NPLOC4: variants seen among roughly 807,000 people sequenced by gnomAD.
NPLOC4 encodes nuclear protein localization protein 4 homolog.
In NPLOC4, 18 loss-of-function variants were observed where a neutral mutation model predicts 80.6. The observed-to-expected ratio is 0.22, with a 90% CI of 0.15 to 0.33. The LOEUF (loss-of-function observed/expected upper bound fraction) is 0.33, where lower values mean the gene tolerates loss of function less well. NPLOC4 is among the 10% of genes least tolerant of loss of function. The pLI is 1.00. For missense variants in NPLOC4, 540 were observed against 786.1 expected (o/e 0.69, Z 3.74); for synonymous variants, 313 against 301.5 (o/e 1.04, Z -0.39).
In NPLOC4 at chr17:81,591,278, T is replaced by C. The variant is rs548855071; in HGVS notation, c.1121-2174A>G. On this transcript the variant is annotated intron_variant, in intron 11 of 16. Coordinates refer to ENST00000331134, the MANE Select transcript of NPLOC4 (RefSeq NM_017921.4). ...GGTGAAACCCTGTCTCTACTAAAAA[T>C]ATAAAAATTAACTGGGCATGGTGGC... is the stretch of plus-strand genomic sequence containing the variant. 8.6e-5 allele frequency among the ~76,000 whole-genome samples: 13 copies of C among 151,554 alleles called. No homozygotes were observed. In the East Asian group the frequency reaches 2.5e-3, roughly 29 times the overall value.
At chr17:81,632,394 C>A in intron 1 of NPLOC4, among the ~76,000 whole-genome samples, 1 of 151,400 alleles carries the variant, frequency 6.6e-6, no homozygotes, top group East Asian at 1.9e-4. Flanking sequence ...CTCACTGCAA[C>A]CTCTGCCTCC....
chr17:81,631,451 TTTTTTTTTTTTC>T (rs1279925066), intron 1 of NPLOC4, among the ~76,000 whole-genome samples: 2 of 114,430 alleles, frequency 1.7e-5, no homozygotes, highest in Non-Finnish European at 3.7e-5. Context: ...TTTTTTTTTT[TTTTTTTTTTTTC>T]CCCCACGGCA....
At chr17:81,585,162 T>G (rs2034540699) in intron 12 of NPLOC4, among the ~76,000 whole-genome samples, 1 of 94,448 alleles carries the variant, frequency 1.1e-5, no homozygotes, top group Non-Finnish European at 1.9e-5. Context: ...AGAACGAGAC[T>G]CTGTCGCCAA....
chr17:81,631,704 A>G (rs564625900), intron 1 of NPLOC4, among the ~76,000 whole-genome samples: 11 of 152,104 alleles, frequency 7.2e-5, no homozygotes, highest in South Asian at 4.1e-4. Context: ...GAACATGCGC[A>G]TAAGTGTCCT....
At chr17:81,599,662 T>C (rs2035013368) in intron 9 of NPLOC4, among the ~76,000 whole-genome samples, 1 of 152,208 alleles carries the variant, frequency 6.6e-6, no homozygotes, top group Non-Finnish European at 1.5e-5. Flanking sequence ...CTTATTAACA[T>C]TAAACTCGTA....
rs564963140 is a variant in NPLOC4, at chr17:81,564,038, G to A, written c.1669+1467C>T. ...AGAGTTTGCAGTGAGCTAAGATTGC[G>A]CCACTGCACTCCAGCCTGGGAGACA... On this transcript the variant is annotated intron_variant, in intron 16 of 16. Transcript: ENST00000331134. 2.7e-5 allele frequency: 11 copies of A among 406,884 alleles called. 1 individual carries two copies. Among genetic ancestry groups the A allele is most frequent in the Admixed American group, 8.0e-5 (3 of 37,296 alleles). 25.2% of individuals were successfully genotyped at this position (406,884 alleles called of 1,614,324 possible). A position where few individuals can be genotyped will look rare whatever the true frequency, so the allele number is the denominator to read the frequency against.
rs983023211 is a variant in NPLOC4 at position 81,565,460 on chromosome 17, C to T, written c.1669+45G>A. 18 of 1,474,248 alleles carry T rather than the reference C, an allele frequency of 1.2e-5. 1 individual carries two copies. The highest frequency in any genetic ancestry group is 7.3e-5 in the South Asian group (6 of 82,732). 91.3% of individuals were successfully genotyped at this position (1,474,248 alleles called of 1,614,324 possible). On this transcript the variant is annotated intron_variant, in intron 16 of 16. Coordinates refer to ENST00000331134, the MANE Select transcript of NPLOC4 (RefSeq NM_017921.4). ...GAGCTGTGCAGAGTGGGCTGCTCTC[C>T]GGCCCCAGCCACGGGGTGCCGGGGC...
rs2034161181 is a variant in NPLOC4, at chr17:81,571,558, G to A, written c.1353+459C>T. ...GGACGGAGTGACCCAGACACACTGT[G>A]GGCTGTGGCAGCTGTGCTGGGGCTA... On this transcript the variant is annotated intron_variant, in intron 13 of 16. Coordinates refer to ENST00000331134, the MANE Select transcript of NPLOC4 (RefSeq NM_017921.4). Among the ~76,000 whole-genome samples, 3 of 152,220 alleles carry A rather than the reference G, an allele frequency of 2.0e-5. No homozygotes were observed. In the South Asian group the frequency reaches 6.2e-4, roughly 32 times the overall value.
chr17:81,613,083 A>G (rs2035385676), intron 4 of NPLOC4: 1 of 416,656 alleles, frequency 2.4e-6, no homozygotes, highest in Non-Finnish European at 4.2e-6. Context: ...ATGCTTCAAA[A>G]TTTTTTATGG....
intron 11 of NPLOC4, among the ~76,000 whole-genome samples, chr17:81,595,567 C>T (rs1442215385): frequency 2.1e-5 from 3 of 140,918 alleles, no homozygotes; most frequent in African/African-American, 7.8e-5. Context: ...TTTTTTGAGA[C>T]AGAGGCTCAC....
Position 81,597,241 on chromosome 17 carries a change from T to A in NPLOC4, c.993+4A>T. ...CCACACGCACAGTCCTGTCTCCACC[T>A]CACCTTATTTCGACTGTAGCGGACG... On this transcript the variant is annotated splice_donor_region_variant and intron_variant, in intron 10 of 16. Coordinates refer to ENST00000331134, the MANE Select transcript of NPLOC4 (RefSeq NM_017921.4). The A allele has an allele frequency of 1.2e-6, 2 of 1,612,158 alleles. No homozygotes were observed. The highest frequency in any genetic ancestry group is 3.3e-4 in the Middle Eastern group (2 of 6,058).
rs138572440 is a variant in NPLOC4 at position 81,577,542 on chromosome 17, G to A, written c.1282-5454C>T. Among the ~76,000 whole-genome samples the A allele has an allele frequency of 5.8e-3, 755 of 131,186 alleles. 10 individuals are homozygous for A. Among genetic ancestry groups the A allele is most frequent in the African/African-American group, 0.02 (675 of 33,682 alleles). 86.1% of individuals were successfully genotyped at this position (131,186 alleles called of 152,430 possible). ...CTCTTCTCTTCTCCCTCTGAACCAC[G>A]GCTTGGCTCATCTACTTCTGGGTTA... is the stretch of plus-strand genomic sequence containing the variant. On this transcript the variant is annotated intron_variant, in intron 12 of 16. Coordinates refer to ENST00000331134, the MANE Select transcript of NPLOC4 (RefSeq NM_017921.4). The surrounding 1 kb of genome is among the most constrained non-coding windows in gnomAD (Gnocchi z 4.3).
At chr17:81,594,414 A>C in intron 11 of NPLOC4, among the ~76,000 whole-genome samples, 1 of 152,094 alleles carries the variant, frequency 6.6e-6, no homozygotes, top group African/African-American at 2.4e-5. Flanking sequence ...TTCAAAAATC[A>C]ATCTAAATGC....
At chr17:81,626,815 G>A (rs1452216177) in intron 2 of NPLOC4, among the ~76,000 whole-genome samples, 1 of 152,098 alleles carries the variant, frequency 6.6e-6, no homozygotes, top group Non-Finnish European at 1.5e-5. Context: ...TGGACTGGGT[G>A]AGGGTGGATC....
chr17:81,617,219 T>C (rs1216763345), intron 3 of NPLOC4, among the ~76,000 whole-genome samples: 1 of 152,144 alleles, frequency 6.6e-6, no homozygotes, highest in African/African-American at 2.4e-5. Flanking sequence ...ACATGGCCCC[T>C]GTGAGTACTT....
intron 1 of NPLOC4, among the ~76,000 whole-genome samples, chr17:81,633,604 C>G (rs1246779161): frequency 6.6e-6 from 1 of 152,212 alleles, no homozygotes; most frequent in Non-Finnish European, 1.5e-5. Context: ...CATGAACACA[C>G]AGCCTCTTGG....
At position 81,577,671 on chromosome 17, in the gene NPLOC4, C is replaced by T. The variant is rs1224786429; in HGVS notation, c.1282-5583G>A. ...CTGGCAACCGTCTGTCCTGCTCCAT[C>T]TTCAAACTCTGCGTGCTGGCACCTG... is the stretch of plus-strand genomic sequence containing the variant. On this transcript the variant is annotated intron_variant, in intron 12 of 16. Coordinates refer to ENST00000331134, the MANE Select transcript of NPLOC4 (RefSeq NM_017921.4). This position sits in a 1 kb window ranked among gnomAD's most constrained non-coding sequence, Gnocchi z 4.3. 1.3e-5 allele frequency among the ~76,000 whole-genome samples: 2 copies of T among 152,206 alleles called. No homozygotes were observed. Among genetic ancestry groups the T allele is most frequent in the Non-Finnish European group, 2.9e-5 (2 of 68,034 alleles).
At chr17:81,629,245 T>C (rs1004881361) in intron 2 of NPLOC4, among the ~76,000 whole-genome samples, 2 of 140,862 alleles carry the variant, frequency 1.4e-5, no homozygotes, top group Non-Finnish European at 3.0e-5. Flanking sequence ...CAGGTTGGAG[T>C]GCAGTGGCAC....
At chr17:81,563,869 A>G (rs1568114275) in intron 16 of NPLOC4, 1 of 452,518 alleles carries the variant, frequency 2.2e-6, no homozygotes, top group Non-Finnish European at 4.4e-6. Context: ...AGCAAACCAA[A>G]TACTACATGT....
Sources: allele counts gnomAD v4.1 joint callset (sites outside exome capture counted in the v4.1 genomes callset), GRCh38; gene constraint gnomAD v4.1.1; non-coding constraint Gnocchi (gnomAD v3.1); transcripts MANE v1.5; gene names NCBI Gene and HGNC (gene_info 2026-07-23, HGNC 2026-07-21).